The following TMEM132D variants were observed in gnomAD, a reference collection of about 807,000 sequenced individuals.
The protein encoded by TMEM132D is transmembrane protein 132D.
Under a neutral mutation model 62.3 loss-of-function variants are expected in TMEM132D, and 21 were observed. The ratio of observed to expected loss-of-function variants is 0.34; its 90% CI spans 0.24 to 0.49. The LOEUF is 0.49. Among genes scored for constraint, TMEM132D ranks in the 20% least tolerant of loss-of-function variants. The pLI, the probability that TMEM132D is intolerant of heterozygous loss-of-function variation, is 0.99. For missense variants in TMEM132D, 1,346 were observed against 1,402.8 expected (o/e 0.96, Z 0.65); for synonymous variants, 621 against 575.6 (o/e 1.08, Z -1.13).
chr12:129,378,322 C>T (rs970692075), intron 3 of TMEM132D, among the ~76,000 whole-genome samples: 9 of 152,170 alleles, frequency 5.9e-5, no homozygotes, highest in Non-Finnish European at 1.3e-4. Context: ...GATATTCCAA[C>T]GTTGATCAAA....
At chr12:129,351,549 G>A (rs2135668364) in intron 3 of TMEM132D, among the ~76,000 whole-genome samples, 1 of 152,264 alleles carries the variant, frequency 6.6e-6, no homozygotes, top group South Asian at 2.1e-4. Flanking sequence ...AATGTTGTGT[G>A]TACGTTCCAG....
At chr12:129,643,096 C>T (rs921098252) in intron 2 of TMEM132D, among the ~76,000 whole-genome samples, 25 of 151,754 alleles carry the variant, frequency 1.6e-4, no homozygotes, top group African/African-American at 4.6e-4. Context: ...GACTAATTTT[C>T]GTATTTTTAG....
At chr12:129,589,711 A>G (rs958972840) in intron 2 of TMEM132D, among the ~76,000 whole-genome samples, 4 of 152,148 alleles carry the variant, frequency 2.6e-5, no homozygotes, top group African/African-American at 9.7e-5. Flanking sequence ...GCTTATCGTC[A>G]TGGGTGGTTG....
intron 2 of TMEM132D, among the ~76,000 whole-genome samples, chr12:129,557,616 T>A (rs940568256): frequency 3.3e-5 from 5 of 152,158 alleles, no homozygotes; most frequent in African/African-American, 1.2e-4. Context: ...CTTGGGAGGC[T>A]GAGACAGGAG....
intron 2 of TMEM132D, among the ~76,000 whole-genome samples, chr12:129,652,966 C>T (rs1028175501): frequency 2.0e-5 from 3 of 152,168 alleles, no homozygotes; most frequent in Non-Finnish European, 2.9e-5. Flanking sequence ...AGAAAACAAT[C>T]GTACGTATTT....
intron 3 of TMEM132D, among the ~76,000 whole-genome samples, chr12:129,463,273 T>G (rs1873743543): frequency 6.6e-6 from 1 of 152,012 alleles, no homozygotes. Flanking sequence ...TTATTTTTTT[T>G]GAGCATTCAT....
rs199604719 is a variant in TMEM132D at position 129,699,794 on chromosome 12, T to C, written c.968+16A>G. On this transcript the variant is annotated intron_variant, in intron 2 of 8. Transcript: ENST00000422113. ...ATCGACGGGCGGGTACAGACAGACA[T>C]TGGGAAACGACTTACCTCAACGTGA... 7.4e-5 allele frequency: 120 copies of C among 1,611,704 alleles called. No individual in the cohort carries two copies. In the Admixed American group the frequency reaches 8.7e-4, roughly 12 times the overall value.
intron 2 of TMEM132D, among the ~76,000 whole-genome samples, chr12:129,632,130 A>G (rs550944074): frequency 6.6e-5 from 10 of 152,336 alleles, no homozygotes; most frequent in Admixed American, 6.5e-4. Flanking sequence ...ATGAAAGACT[A>G]TTAAAGGGTT....
intron 4 of TMEM132D, among the ~76,000 whole-genome samples, chr12:129,323,866 T>C (rs1037939592): frequency 6.6e-6 from 1 of 152,184 alleles, no homozygotes; most frequent in African/African-American, 2.4e-5. Flanking sequence ...CATGCCTCTC[T>C]ATTATTTTGA....
chr12:129,460,983 T>G (rs1469526108), intron 3 of TMEM132D, among the ~76,000 whole-genome samples: 1 of 152,154 alleles, frequency 6.6e-6, no homozygotes. Flanking sequence ...TTATGTGGGT[T>G]ATGCTGATAC....
rs967266003 is a variant in TMEM132D, at chr12:129,194,684, G to A, written c.1443+14836C>T. Reference sequence around the variant, plus strand: ...CTTCTGCTTATTTTTATTTGGGCCTGGAGGGAGTCTCATCCAACAACCAGG... The same window carrying A: ...CTTCTGCTTATTTTTATTTGGGCCTAGAGGGAGTCTCATCCAACAACCAGG... On this transcript the variant is annotated intron_variant, in intron 5 of 8. Coordinates refer to ENST00000422113, the MANE Select transcript of TMEM132D (RefSeq NM_133448.3). Among the ~76,000 whole-genome samples, 3 of 152,192 alleles carry A rather than the reference G, an allele frequency of 2.0e-5. No individual in the cohort carries two copies. The East Asian group carries it at 5.8e-4, about 29-fold the overall frequency.
intron 5 of TMEM132D, among the ~76,000 whole-genome samples, chr12:129,200,408 T>C (rs1054528211): frequency 6.6e-6 from 1 of 152,138 alleles, no homozygotes; most frequent in African/African-American, 2.4e-5. Flanking sequence ...GATGCTATTG[T>C]TATGTGGCCA....
At chr12:129,497,288 A>G (rs1007516336) in intron 3 of TMEM132D, among the ~76,000 whole-genome samples, 1 of 152,172 alleles carries the variant, frequency 6.6e-6, no homozygotes, top group Non-Finnish European at 1.5e-5. Flanking sequence ...GGCCTGGGCA[A>G]CAGAGCAAGA....
chr12:129,680,425 T>A (rs1206381248), intron 2 of TMEM132D, among the ~76,000 whole-genome samples: 1 of 152,220 alleles, frequency 6.6e-6, no homozygotes, highest in African/African-American at 2.4e-5. Context: ...TCCCTCTGTG[T>A]TCTTTTTCCA....
Position 129,371,006 on chromosome 12 carries a change from A to G in TMEM132D, c.1116-33189T>C, listed in dbSNP as rs1870581442. Among the ~76,000 whole-genome samples, 1 of 152,244 alleles carries G rather than the reference A, an allele frequency of 6.6e-6. No homozygotes were observed. The highest frequency in any genetic ancestry group is 1.9e-4 in the East Asian group (1 of 5,202). ...AGTTAACAATAATTAATTATATGTTACAAAAAAATAGCCATAGGAGAAGAA... is the reference window on the plus strand; with the variant it reads ...AGTTAACAATAATTAATTATATGTTGCAAAAAAATAGCCATAGGAGAAGAA... On this transcript the variant is annotated intron_variant, in intron 3 of 8. Transcript: ENST00000422113. The surrounding 1 kb of genome is among the most constrained non-coding windows in gnomAD (Gnocchi z 4.3).
At chr12:129,889,553 T>A (rs185141280) in intron 1 of TMEM132D, among the ~76,000 whole-genome samples, 1 of 152,350 alleles carries the variant, frequency 6.6e-6, no homozygotes, top group East Asian at 1.9e-4. Context: ...GAATTTCCTC[T>A]TCACCTGCTA....
At chr12:129,537,950 A>G (rs34619901) in intron 2 of TMEM132D, among the ~76,000 whole-genome samples, 29,982 of 152,174 alleles carry the variant, frequency 0.2, 3,329 homozygotes, top group Non-Finnish European at 0.24. Flanking sequence ...TCAAAACTGC[A>G]GAGTCCTGGC....
At chr12:129,391,456 T>A (rs147920769) in intron 3 of TMEM132D, among the ~76,000 whole-genome samples, 1 of 152,184 alleles carries the variant, frequency 6.6e-6, no homozygotes, top group East Asian at 1.9e-4. Flanking sequence ...GAAATGGCAA[T>A]CTTCAGATTT....
chr12:129,485,433 C>T (rs536372113), intron 3 of TMEM132D, among the ~76,000 whole-genome samples: 104 of 152,322 alleles, frequency 6.8e-4, no homozygotes, highest in South Asian at 3.1e-3. Context: ...GGTCCACATT[C>T]AGGGCTACAG....
Sources: gnomAD v4.1 joint callset for allele counts (sites outside exome capture counted in the v4.1 genomes callset) on GRCh38, gnomAD v4.1.1 for gene constraint, Gnocchi (gnomAD v3.1) non-coding constraint, MANE v1.5 for transcripts, NCBI Gene and HGNC (gene_info 2026-07-23, HGNC 2026-07-21) for gene names.